The following ROBO1 variants were observed in gnomAD, a reference collection of about 807,000 sequenced individuals.
ROBO1 encodes roundabout guidance receptor 1.
ROBO1 carries 149 observed loss-of-function variants against 195.9 expected under a neutral mutation model. The observed-to-expected ratio is 0.76, with a 90% CI of 0.67 to 0.87. ROBO1 has a LOEUF of 0.87. ROBO1 is among the 40% of genes least tolerant of loss of function. ROBO1 has a pLI of 0.00. For missense variants in ROBO1, 1,933 were observed against 2,068.3 expected (o/e 0.93, Z 1.27); for synonymous variants, 816 against 733.2 (o/e 1.11, Z -1.82).
chr3:79,092,604 T>C (rs2079499669), intron 3 of ROBO1, among the ~76,000 whole-genome samples: 1 of 152,182 alleles, frequency 6.6e-6, no homozygotes, highest in Admixed American at 6.6e-5. Context: ...TAAACCTTTT[T>C]CTCCTCAATT....
At chr3:78,695,978 T>C (rs1005454544) in intron 8 of ROBO1, among the ~76,000 whole-genome samples, 7 of 152,274 alleles carry the variant, frequency 4.6e-5, no homozygotes, top group African/African-American at 1.7e-4. Context: ...TATAGGAATT[T>C]ATTTAAGTTT....
At chr3:79,354,651 T>G (rs2035473897) in intron 2 of ROBO1, among the ~76,000 whole-genome samples, 3 of 152,144 alleles carry the variant, frequency 2.0e-5, no homozygotes, top group Admixed American at 2.0e-4. Context: ...TTTATAGATT[T>G]GTCTTGAACT....
intron 1 of ROBO1, among the ~76,000 whole-genome samples, chr3:79,714,163 C>A (rs1702384814): frequency 6.6e-6 from 1 of 152,004 alleles, no homozygotes; most frequent in South Asian, 2.1e-4. Context: ...CAAAAACAAA[C>A]AACTCCATCA....
chr3:78,651,928 A>C lies in ROBO1; in HGVS notation c.2616T>G (p.Asp872Glu). ...VKSEPQFIQL[D>E]AHGNPVSPED... ...CAGGTGACACAGGGTTTCCATGGGC[A>C]TCTGAAAAGTCATCTTCCGATTAAT... The change falls in exon 19 of 31, where the codon GAT becomes GAG. Residue 872 changes from aspartate (D) to glutamate (E), a missense_variant and splice_region_variant. By Grantham distance (45) the Asp-to-Glu change is conservative. This residue lies in a region of ROBO1 where 1,737 missense variants were observed against 1,882.5 expected (regional missense o/e 0.92). Coordinates refer to ENST00000464233, the MANE Select transcript of ROBO1 (RefSeq NM_002941.4). The C allele has an allele frequency of 2.5e-6, 4 of 1,611,782 alleles. No homozygotes were observed. Among genetic ancestry groups the C allele is most frequent in the Non-Finnish European group, 3.4e-6 (4 of 1,178,868 alleles).
chr3:78,887,318 T>C (rs1271593973), intron 4 of ROBO1, among the ~76,000 whole-genome samples: 5 of 152,204 alleles, frequency 3.3e-5, no homozygotes, highest in Non-Finnish European at 7.3e-5. Context: ...TTGAGAGGAC[T>C]GGATGAAATC....
chr3:79,226,866 C>A (rs1234311373), intron 2 of ROBO1, among the ~76,000 whole-genome samples: 2 of 152,010 alleles, frequency 1.3e-5, no homozygotes, highest in Admixed American at 6.6e-5. Context: ...TTCCTTTACT[C>A]ACAACTTCTT....
intron 2 of ROBO1, among the ~76,000 whole-genome samples, chr3:79,388,320 T>G (rs1309890069): frequency 1.3e-5 from 2 of 152,020 alleles, no homozygotes; most frequent in Admixed American, 1.3e-4. Flanking sequence ...TAAAAAGGGA[T>G]AGAGATATCC....
intron 3 of ROBO1, among the ~76,000 whole-genome samples, chr3:79,055,251 C>A (rs1189208428): frequency 1.3e-5 from 2 of 152,146 alleles, no homozygotes; most frequent in Admixed American, 6.5e-5. Flanking sequence ...AATTGCTCAA[C>A]TGCTTTTACT....
At chr3:79,584,120 CATT>C (rs1560014699) in intron 2 of ROBO1, among the ~76,000 whole-genome samples, 1 of 151,862 alleles carries the variant, frequency 6.6e-6, no homozygotes, top group East Asian at 1.9e-4. Flanking sequence ...CAGTCTGTAT[CATT>C]ATTTCACATC....
chr3:79,475,018 T>C (rs530516181), intron 2 of ROBO1, among the ~76,000 whole-genome samples: 3 of 152,152 alleles, frequency 2.0e-5, no homozygotes, highest in East Asian at 3.9e-4. Context: ...ATACATCTTA[T>C]ATTTGACATC....
At chr3:79,066,965 G>C (rs1009599005) in intron 3 of ROBO1, among the ~76,000 whole-genome samples, 31 of 151,976 alleles carry the variant, frequency 2.0e-4, no homozygotes, top group African/African-American at 7.5e-4. Flanking sequence ...CAACTATAAA[G>C]TCTTCATGAT....
intron 2 of ROBO1, among the ~76,000 whole-genome samples, chr3:79,376,542 C>T (rs2036392359): frequency 6.6e-6 from 1 of 152,112 alleles, no homozygotes; most frequent in Non-Finnish European, 1.5e-5. Flanking sequence ...CAGGTCTTCC[C>T]TGTGCTGTTC....
chr3:79,306,284 A>G (rs1436030460), intron 2 of ROBO1, among the ~76,000 whole-genome samples: 1 of 152,250 alleles, frequency 6.6e-6, no homozygotes, highest in Non-Finnish European at 1.5e-5. Flanking sequence ...AAGATAGGTG[A>G]TAAAGAAACA....
chr3:78,648,768 A>G (rs1706458684), intron 19 of ROBO1, among the ~76,000 whole-genome samples: 1 of 152,100 alleles, frequency 6.6e-6, no homozygotes, highest in Admixed American at 6.6e-5. Flanking sequence ...ACAAACTAGA[A>G]TATTGATTAC....
chr3:79,302,001 A>G (rs1267836073), intron 2 of ROBO1, among the ~76,000 whole-genome samples: 1 of 152,202 alleles, frequency 6.6e-6, no homozygotes, highest in African/African-American at 2.4e-5. Context: ...GTCTTTGTAT[A>G]AGCTACATTC....
intron 5 of ROBO1, among the ~76,000 whole-genome samples, chr3:78,738,127 G>A (rs1400384833): frequency 6.6e-6 from 1 of 152,162 alleles, no homozygotes; most frequent in Non-Finnish European, 1.5e-5. Flanking sequence ...GTAGGAAGGA[G>A]ACATGTGGGA....
At position 78,607,048 on chromosome 3, in the gene ROBO1, A is replaced by G; in HGVS notation, c.4436-7T>C. ...ACAGGAGGTGGTGGAAGATCTAAAA[A>G]GAAACATTAAAAATACTACTGTAAA... On this transcript the variant is annotated splice_polypyrimidine_tract_variant and splice_region_variant and intron_variant, in intron 28 of 30. Coordinates refer to ENST00000464233, the MANE Select transcript of ROBO1 (RefSeq NM_002941.4). 1 of 1,604,092 alleles carries G rather than the reference A, an allele frequency of 6.2e-7. No homozygotes were observed. The highest frequency in any genetic ancestry group is 1.7e-5 in the Admixed American group (1 of 58,952).
chr3:79,371,616 G>T (rs1349606078), intron 2 of ROBO1, among the ~76,000 whole-genome samples: 1 of 152,094 alleles, frequency 6.6e-6, no homozygotes, highest in Admixed American at 6.5e-5. Context: ...GTTCTTGAAG[G>T]AATATAAAGT....
At chr3:78,645,246 T>C (rs1706203092) in intron 21 of ROBO1, among the ~76,000 whole-genome samples, 1 of 152,142 alleles carries the variant, frequency 6.6e-6, no homozygotes, top group African/African-American at 2.4e-5. Flanking sequence ...TGTTATATAC[T>C]AAATTCAGTA....
Sources: allele counts gnomAD v4.1 joint callset (sites outside exome capture counted in the v4.1 genomes callset), GRCh38; gene constraint gnomAD v4.1.1; regional missense constraint gnomAD v4.1.1; transcripts MANE v1.5; gene names NCBI Gene and HGNC (gene_info 2026-07-23, HGNC 2026-07-21).